Variants in STK39 observed in about 807,000 individuals in gnomAD.
The protein encoded by STK39 is STE20/SPS1-related proline-alanine-rich protein kinase.
In STK39, 20 loss-of-function variants were observed where a neutral mutation model predicts 77.8. The observed-to-expected ratio is 0.26, with a 90% CI of 0.18 to 0.37. STK39 has a LOEUF of 0.37. Ranked by LOEUF, STK39 falls within the 10% of genes least tolerant of loss-of-function variation. STK39 has a pLI of 1.00. For synonymous variants in STK39, 246 were observed against 234.1 expected (o/e 1.05, Z -0.47); for missense variants, 479 against 656.5 (o/e 0.73, Z 2.95).
intron 1 of STK39, among the ~76,000 whole-genome samples, chr2:168,228,616 C>A (rs1574574691): frequency 6.6e-6 from 1 of 151,940 alleles, no homozygotes; most frequent in East Asian, 1.9e-4. Flanking sequence ...CATGGTGAAA[C>A]CCCATCTCTA....
chr2:168,073,962 T>C (rs1023699246), intron 12 of STK39, among the ~76,000 whole-genome samples: 3 of 151,910 alleles, frequency 2.0e-5, no homozygotes, highest in Non-Finnish European at 4.4e-5. Context: ...AATTAAATGA[T>C]AAACATAGGA....
chr2:168,187,300 GAGATCAT>G (rs1268253002), intron 1 of STK39, among the ~76,000 whole-genome samples: 2 of 151,828 alleles, frequency 1.3e-5, no homozygotes, highest in Admixed American at 1.3e-4. Flanking sequence ...GCAGTGAGCT[GAGATCAT>G]GCCACTGCAC....
chr2:167,956,528 C>T (rs1485511277), intron 17 of STK39, among the ~76,000 whole-genome samples: 4 of 149,888 alleles, frequency 2.7e-5, no homozygotes, highest in South Asian at 2.1e-4. Context: ...CGTGCCACTG[C>T]ACTCCAGCCT....
rs190690467 is a variant in STK39, at chr2:168,230,691, C to G, written c.208+16537G>C. Among the ~76,000 whole-genome samples the G allele has an allele frequency of 1.0e-3, 152 of 152,330 alleles. 1 individual carries two copies. Among genetic ancestry groups the G allele is most frequent in the African/African-American group, 3.6e-3 (150 of 41,564 alleles). On this transcript the variant is annotated intron_variant, in intron 1 of 17. Coordinates refer to ENST00000355999, the MANE Select transcript of STK39 (RefSeq NM_013233.3). The stretch of plus-strand genomic sequence containing the variant: ...GAGAGAACCGAGCCTTTCAGTCTGT[C>G]AGAGGCACCCTCGCTGGCAAAACTT...
At chr2:168,199,989 T>C (rs955698438) in intron 1 of STK39, among the ~76,000 whole-genome samples, 1 of 152,168 alleles carries the variant, frequency 6.6e-6, no homozygotes, top group African/African-American at 2.4e-5. Flanking sequence ...TATAAGAGTA[T>C]CTGGAACTCA....
chr2:168,072,355 T>G (rs1685962743), intron 12 of STK39, among the ~76,000 whole-genome samples: 2 of 152,058 alleles, frequency 1.3e-5, no homozygotes, highest in South Asian at 4.2e-4. Flanking sequence ...TATATGTCAT[T>G]CTCCTATGTT....
intron 17 of STK39, 76 bp downstream of exon 17, chr2:167,964,586 T>G (rs1692094605): frequency 7.6e-7 from 1 of 1,320,424 alleles, no homozygotes; most frequent in Admixed American, 1.9e-5. Flanking sequence ...GAGTAGGTTA[T>G]TAAACTAGAT....
intron 1 of STK39, among the ~76,000 whole-genome samples, chr2:168,222,074 T>C (rs1353507866): frequency 6.6e-6 from 1 of 152,186 alleles, no homozygotes; most frequent in Non-Finnish European, 1.5e-5. Flanking sequence ...TGTATTTGCA[T>C]CTTTTTTCCT....
chr2:167,967,882 T>C (rs935382), intron 16 of STK39, among the ~76,000 whole-genome samples: 115,925 of 151,786 alleles, frequency 0.76, 44,492 homozygotes, highest in African/African-American at 0.82. Context: ...GTTTGGGGTA[T>C]GACTGATCCT....
At chr2:168,229,550 G>A (rs957111345) in intron 1 of STK39, among the ~76,000 whole-genome samples, 1 of 152,076 alleles carries the variant, frequency 6.6e-6, no homozygotes, top group Non-Finnish European at 1.5e-5. Flanking sequence ...TATCCTAATA[G>A]GCTAGCAATT....
chr2:168,063,715 G>T, intron 13 of STK39, 145 bp from the exon 14 acceptor site: 1 of 634,302 alleles, frequency 1.6e-6, no homozygotes, highest in Non-Finnish European at 2.7e-6. Context: ...CTTTGGCATC[G>T]TAACACCTCC....
intron 16 of STK39, among the ~76,000 whole-genome samples, chr2:167,988,125 T>G (rs1438436683): frequency 6.6e-6 from 1 of 152,132 alleles, no homozygotes; most frequent in African/African-American, 2.4e-5. Context: ...GCCTCTCAGA[T>G]AGCATTTACC....
chr2:168,177,256 GAC>G (rs1386374599), intron 2 of STK39, among the ~76,000 whole-genome samples: 1 of 151,842 alleles, frequency 6.6e-6, no homozygotes, highest in Non-Finnish European at 1.5e-5. Flanking sequence ...TTTTTTTAAT[GAC>G]ACAAATGCTT....
intron 1 of STK39, among the ~76,000 whole-genome samples, chr2:168,228,625 T>C (rs568870327): frequency 1.3e-5 from 2 of 152,208 alleles, no homozygotes; most frequent in African/African-American, 2.4e-5. Flanking sequence ...ACCCCATCTC[T>C]ATTAAAAATA....
chr2:168,133,757 C>T (rs1204251970), intron 8 of STK39, among the ~76,000 whole-genome samples: 1 of 151,844 alleles, frequency 6.6e-6, no homozygotes. Flanking sequence ...ACTCAGGAGG[C>T]TGAGGCAGGA....
chr2:168,001,797 G>A (rs1684008812), intron 16 of STK39, among the ~76,000 whole-genome samples: 1 of 152,274 alleles, frequency 6.6e-6, no homozygotes, highest in South Asian at 2.1e-4. Flanking sequence ...TGCCTGTCAG[G>A]CTATTAACAA....
chr2:168,165,707 C>A (rs905829460), intron 3 of STK39, among the ~76,000 whole-genome samples: 1 of 151,824 alleles, frequency 6.6e-6, no homozygotes, highest in Non-Finnish European at 1.5e-5. Flanking sequence ...CCGAGACCTA[C>A]ACAAGCAGAC....
chr2:168,023,198 G>A (rs1458303787), intron 14 of STK39, among the ~76,000 whole-genome samples: 12 of 151,864 alleles, frequency 7.9e-5, no homozygotes, highest in Admixed American at 7.9e-4. Flanking sequence ...TTACAGGTGT[G>A]AGCCACCATG....
At chr2:168,139,408 TTA>T (rs71003023) in intron 7 of STK39, among the ~76,000 whole-genome samples, 1 of 144,490 alleles carries the variant, frequency 6.9e-6, no homozygotes, top group Admixed American at 6.9e-5. Context: ...TAAAAAAAAT[TTA>T]TATATATATA....
Sources: gnomAD v4.1 joint callset for allele counts (sites outside exome capture counted in the v4.1 genomes callset) on GRCh38, gnomAD v4.1.1 for gene constraint, MANE v1.5 for transcripts, NCBI Gene and HGNC (gene_info 2026-07-23, HGNC 2026-07-21) for gene names.